The following SUPT5H variants were observed in gnomAD, a reference collection of about 807,000 sequenced individuals.
The protein encoded by SUPT5H is SPT5 homolog, DSIF elongation factor subunit.
Under a neutral mutation model 142.5 loss-of-function variants are expected in SUPT5H, and 24 were observed. That is an observed-to-expected ratio of 0.17 (90% CI 0.12 to 0.24). The LOEUF (loss-of-function observed/expected upper bound fraction) is 0.24. SUPT5H is among the 10% of genes least tolerant of loss of function. SUPT5H has a pLI of 1.00. For missense variants in SUPT5H, 893 were observed against 1,471.8 expected, an observed-to-expected ratio of 0.61 and a Z score of 6.43; for synonymous variants, 546 against 553.0, an observed-to-expected ratio of 0.99 and a Z score of 0.18.
intron 28 of SUPT5H, among the ~76,000 whole-genome samples, chr19:39,475,663 C>T (rs35297410): frequency 0.16 from 24,322 of 151,998 alleles, 2,024 homozygotes; most frequent in Non-Finnish European, 0.18. Context: ...GAGACCCTCA[C>T]GGGCTGAATG....
chr19:39,464,723 C>T (rs2079211582), intron 10 of SUPT5H, 75 bp from the exon 11 acceptor site: 16 of 1,527,728 alleles, frequency 1.0e-5, no homozygotes, highest in Non-Finnish European at 1.3e-5. Context: ...AGAGGGACTG[C>T]TGATGAGTGG....
intron 13 of SUPT5H, chr19:39,467,356 C>T (rs1357730153): frequency 2.0e-5 from 3 of 152,070 alleles, no homozygotes; most frequent in Middle Eastern, 3.2e-3. Flanking sequence ...GCACTCCAGC[C>T]TGGGTGACAG....
chr19:39,451,299 C>T (rs1374067865), intron 2 of SUPT5H, among the ~76,000 whole-genome samples: 4 of 151,026 alleles, frequency 2.6e-5, no homozygotes, highest in Admixed American at 1.3e-4. Context: ...AACAATCCTC[C>T]TGCCTCAGCC....
chr19:39,445,853 C>T lies in SUPT5H; in HGVS notation c.-38C>T, dbSNP rs370102876. On this transcript the variant is annotated 5_prime_UTR_variant, in exon 2 of 30. The change creates a new upstream start codon in the 5' untranslated region. Coordinates refer to ENST00000432763, the MANE Select transcript of SUPT5H (RefSeq NM_001111020.3). ...CGGGGTGGAGCGCAGGATTGTGGGA[C>T]GCGCCAAGGCTGCTGTCTTTCCCAG... 2 of 1,607,382 alleles carry T rather than the reference C, an allele frequency of 1.2e-6. No homozygotes were observed. Among genetic ancestry groups the T allele is most frequent in the African/African-American group, 2.7e-5 (2 of 74,882 alleles).
rs1362444168 is a variant in SUPT5H at position 39,473,235 on chromosome 19, C to T, written c.2291C>T (p.Thr764Ile). 6 of 1,613,354 alleles carry T rather than the reference C, an allele frequency of 3.7e-6. No individual in the cohort carries two copies. In the African/African-American group the frequency reaches 5.3e-5, roughly 14 times the overall value. The change falls in exon 24 of 30, where the codon ACC (threonine) becomes ATC (isoleucine). Residue 764 changes from threonine to isoleucine, a missense_variant. By Grantham distance (89) the Thr-to-Ile change is moderately conservative. Coordinates refer to ENST00000432763, the MANE Select transcript of SUPT5H (RefSeq NM_001111020.3). This position sits in a 1 kb window ranked among gnomAD's most constrained non-coding sequence, Gnocchi z 5.8. ...GSRRPGGMTSTYGRTPMYGSQ... is the reference protein window; with the variant it reads ...GSRRPGGMTSIYGRTPMYGSQ... ...CGGCGCCCGGGCGGCATGACCTCGA[C>T]CTATGGGAGGACGCCCATGTATGGC...
At chr19:39,448,683 G>A (rs2078982720) in intron 2 of SUPT5H, among the ~76,000 whole-genome samples, 1 of 152,116 alleles carries the variant, frequency 6.6e-6, no homozygotes, top group South Asian at 2.1e-4. Context: ...TGATGACATG[G>A]TCCTTGAAGG....
Position 39,476,591 on chromosome 19 carries a change from C to A in SUPT5H, c.*192C>A, listed in dbSNP as rs1443530334. ...ATCTGAGTAGAGTCTGGGGGAGGGT[C>A]CCCACCTTCCTGTACCTCCTCCCCA... On this transcript the variant is annotated 3_prime_UTR_variant, in exon 30 of 30. Coordinates refer to ENST00000432763, the MANE Select transcript of SUPT5H (RefSeq NM_001111020.3). The A allele has an allele frequency of 1.4e-6, 1 of 691,124 alleles. No individual in the cohort carries two copies. Among genetic ancestry groups the A allele is most frequent in the Non-Finnish European group, 2.4e-6 (1 of 423,746 alleles). 42.8% of individuals were successfully genotyped at this position (691,124 alleles called of 1,614,324 possible).
At position 39,473,468 on chromosome 19, in the gene SUPT5H, C is replaced by G. The variant is rs775431532; in HGVS notation, c.2439C>G (p.Arg813=). The G allele has an allele frequency of 6.2e-7, 1 of 1,612,874 alleles. No individual in the cohort carries two copies. The highest frequency in any genetic ancestry group is 1.3e-5 in the African/African-American group (1 of 74,886). ...AGACGCCCCTGCATGATGGCAGCCG[C>G]ACTCCTGCCCAGAGTGGGGCCTGGG... ...GSQTPLHDGS[R]TPAQSGAWDP... is the part of the protein sequence containing the mutation. Residue 813 remains arginine, a synonymous_variant, in exon 25 of 30, where the codon CGC becomes CGG. Transcript: ENST00000432763. The surrounding 1 kb of genome is among the most constrained non-coding windows in gnomAD (Gnocchi z 5.8).
intron 10 of SUPT5H, among the ~76,000 whole-genome samples, chr19:39,460,535 T>G (rs878754): frequency 6.6e-6 from 1 of 151,892 alleles, no homozygotes; most frequent in African/African-American, 2.4e-5. Flanking sequence ...GTCAGGAGTT[T>G]GAGACCAGCC....
At chr19:39,455,023 A>T (rs2146084625) in intron 3 of SUPT5H, among the ~76,000 whole-genome samples, 1 of 152,348 alleles carries the variant, frequency 6.6e-6, no homozygotes, top group African/African-American at 2.4e-5. Context: ...TTGACCAAGC[A>T]GTTCCTCTTT....
chr19:39,454,527 G>A (rs2079062640), intron 3 of SUPT5H, among the ~76,000 whole-genome samples: 2 of 151,648 alleles, frequency 1.3e-5, no homozygotes, highest in Non-Finnish European at 2.9e-5. Context: ...TATATTTTTA[G>A]TAGAGACAGG....
Position 39,458,441 on chromosome 19 carries a change from T to A in SUPT5H, c.319+136T>A. The A allele has an allele frequency of 1.3e-6, 2 of 1,483,228 alleles. No individual in the cohort carries two copies. The highest frequency in any genetic ancestry group is 1.8e-6 in the Non-Finnish European group (2 of 1,101,508). The allele number at this position is 1,483,228 out of a possible 1,614,324, so 91.9% of individuals were successfully genotyped here. ...CCTGAGGGCTCTGACCCATGTAGGA[T>A]CCAGAGTCAGGGAGTTCTGGGGCCA... On this transcript the variant is annotated intron_variant, in intron 5 of 29. Coordinates refer to ENST00000432763, the MANE Select transcript of SUPT5H (RefSeq NM_001111020.3). This position sits in a 1 kb window ranked among gnomAD's most constrained non-coding sequence, Gnocchi z 4.2.
At chr19:39,450,005 T>C (rs1166285782) in intron 2 of SUPT5H, among the ~76,000 whole-genome samples, 1 of 150,556 alleles carries the variant, frequency 6.6e-6, no homozygotes, top group Non-Finnish European at 1.5e-5. Context: ...TGGTGTGATC[T>C]CGACTCACTG....
intron 28 of SUPT5H, chr19:39,475,813 GC>G: frequency 2.1e-6 from 1 of 477,780 alleles, no homozygotes; most frequent in Non-Finnish European, 3.8e-6. Flanking sequence ...AGACGCTGAG[GC>G]CAGTTTGGGA....
intron 3 of SUPT5H, among the ~76,000 whole-genome samples, chr19:39,456,494 CT>C (rs2079092248): frequency 6.6e-6 from 1 of 151,598 alleles, no homozygotes; most frequent in African/African-American, 2.4e-5. Context: ...TCTTGGCTCA[CT>C]GCAACCTCCA....
Position 39,466,556 on chromosome 19 carries a change from C to T in SUPT5H, c.953C>T (p.Ala318Val). 6.2e-7 allele frequency: 1 copy of T among 1,614,078 alleles called. No individual in the cohort carries two copies. The highest frequency in any genetic ancestry group is 1.1e-5 in the South Asian group (1 of 91,076). Residue 318 changes from alanine to valine, a missense_variant, in exon 12 of 30, where the codon GCC becomes GTC. Around this residue, in one of 6 missense-constraint regions of SUPT5H, gnomAD observed 428 missense variants for 763.5 expected, o/e 0.56. Coordinates refer to ENST00000432763, the MANE Select transcript of SUPT5H (RefSeq NM_001111020.3). This position sits in a 1 kb window ranked among gnomAD's most constrained non-coding sequence, Gnocchi z 4.3. ...IPRIDYDRIK[A>V]RMSLKDWFAK... ...CGCATCGACTACGATCGCATCAAGG[C>T]CCGCATGAGCTTGGTACTCAGGGGA...
At position 39,474,935 on chromosome 19, in the gene SUPT5H, G is replaced by A; in HGVS notation, c.3024+217G>A. The A allele has an allele frequency of 5.0e-6, 3 of 605,568 alleles. No homozygotes were observed. The highest frequency in any genetic ancestry group is 8.7e-6 in the Non-Finnish European group (3 of 342,896). 37.5% of individuals were successfully genotyped at this position (605,568 alleles called of 1,614,324 possible). ...GCTGCCTGGGGAAGGAGAAATCTGAGCCAAGACCTGACAAATGAATAGGAG... is the reference window on the plus strand; with the variant it reads ...GCTGCCTGGGGAAGGAGAAATCTGAACCAAGACCTGACAAATGAATAGGAG... On this transcript the variant is annotated intron_variant, in intron 28 of 29. Coordinates refer to ENST00000432763, the MANE Select transcript of SUPT5H (RefSeq NM_001111020.3). This position sits in a 1 kb window ranked among gnomAD's most constrained non-coding sequence, Gnocchi z 6.5.
rs138311423 is a variant in SUPT5H, at chr19:39,474,595, G to C, written c.2901G>C (p.Thr967=). 5.0e-6 allele frequency: 8 copies of C among 1,614,082 alleles called. No homozygotes were observed. The highest frequency in any genetic ancestry group is 6.8e-6 in the Non-Finnish European group (8 of 1,180,058). The change falls in exon 28 of 30, where the codon ACG becomes ACC. Residue 967 remains threonine (T), a synonymous_variant. Coordinates refer to ENST00000432763, the MANE Select transcript of SUPT5H (RefSeq NM_001111020.3). This position sits in a 1 kb window ranked among gnomAD's most constrained non-coding sequence, Gnocchi z 6.5. ...APSPGGYNPH[T]PGSGIEQNSS... Reference sequence around the variant, plus strand: ...CCCCTGGTGGCTACAACCCACACACGCCAGGCTCAGGCATCGAGCAGAACT... The same window carrying C: ...CCCCTGGTGGCTACAACCCACACACCCCAGGCTCAGGCATCGAGCAGAACT...
chr19:39,475,112 C>T, intron 28 of SUPT5H: 1 of 256,786 alleles, frequency 3.9e-6, no homozygotes, highest in Admixed American at 5.1e-5. Flanking sequence ...CCAAGCAGTG[C>T]TTCACACCTG....
Sources: allele counts gnomAD v4.1 joint callset (sites outside exome capture counted in the v4.1 genomes callset), GRCh38; gene constraint gnomAD v4.1.1; regional missense constraint gnomAD v4.1.1; non-coding constraint Gnocchi (gnomAD v3.1); transcripts MANE v1.5; gene names NCBI Gene and HGNC (gene_info 2026-07-23, HGNC 2026-07-21).